The following NLRC4 variants were observed in gnomAD, a reference collection of about 807,000 sequenced individuals.
The protein encoded by NLRC4 is NLR family CARD domain containing 4.
A neutral mutation model predicts 79.9 loss-of-function variants in NLRC4; 63 were observed. That is an observed-to-expected ratio of 0.79 (90% CI 0.64 to 0.97). NLRC4 has a LOEUF of 0.97. Among genes scored for constraint, NLRC4 ranks in the 50% least tolerant of loss-of-function variants. NLRC4 has a pLI of 0.00. For synonymous variants in NLRC4, 461 were observed against 456.5 expected, an observed-to-expected ratio of 1.01 and a Z score of -0.12; for missense variants, 1,074 against 1,215.2, an observed-to-expected ratio of 0.88 and a Z score of 1.73.
At chr2:32,253,733 G>A (rs1447574919) in intron 2 of NLRC4, among the ~76,000 whole-genome samples, 1 of 152,044 alleles carries the variant, frequency 6.6e-6, no homozygotes, top group Non-Finnish European at 1.5e-5. Context: ...GGGAGGCCAA[G>A]GCGGGCGGAT....
At position 32,247,637 on chromosome 2, in the gene NLRC4, T is replaced by C. The variant is rs184282410; in HGVS notation, c.2257+1970A>G. On this transcript the variant is annotated intron_variant, in intron 4 of 8. Transcript: ENST00000402280. ...ATTTTTAATAAAAATAGTTTTAATATATTTAAACACATACATATATGTATC... is the reference window on the plus strand; with the variant it reads ...ATTTTTAATAAAAATAGTTTTAATACATTTAAACACATACATATATGTATC... Among the ~76,000 whole-genome samples, 231 of 152,096 alleles carry C rather than the reference T, an allele frequency of 1.5e-3. 5 individuals carry two copies. Among genetic ancestry groups the C allele is most frequent in the Non-Finnish European group, 1.0e-3 (68 of 68,000 alleles).
chr2:32,251,902 G>A (rs1687087679), intron 3 of NLRC4, among the ~76,000 whole-genome samples: 1 of 152,188 alleles, frequency 6.6e-6, no homozygotes, highest in East Asian at 1.9e-4. Flanking sequence ...GGCAGAGAAA[G>A]ATGGTTAGGG....
At chr2:32,244,545 A>T (rs1686884431) in intron 4 of NLRC4, among the ~76,000 whole-genome samples, 1 of 117,860 alleles carries the variant, frequency 8.5e-6, no homozygotes, top group South Asian at 2.9e-4. Flanking sequence ...GAAATAAGGC[A>T]AAAAAAAAAA....
At chr2:32,255,918 G>C (rs531801075) in intron 2 of NLRC4, among the ~76,000 whole-genome samples, 28 of 152,046 alleles carry the variant, frequency 1.8e-4, no homozygotes, top group African/African-American at 6.8e-4. Context: ...GGAGGCTGAG[G>C]CAGAAGCATC....
At chr2:32,240,524 T>C (rs533178094) in intron 5 of NLRC4, among the ~76,000 whole-genome samples, 1 of 152,176 alleles carries the variant, frequency 6.6e-6, no homozygotes, top group South Asian at 2.1e-4. Flanking sequence ...TGTGTTCTGC[T>C]TGTGTTCCTG....
chr2:32,257,845 T>C (rs918007900), intron 1 of NLRC4, among the ~76,000 whole-genome samples: 4 of 151,822 alleles, frequency 2.6e-5, no homozygotes, highest in African/African-American at 9.7e-5. Flanking sequence ...GGCTGTGGGG[T>C]TCCAATCCCA....
At position 32,253,297 on chromosome 2, in the gene NLRC4, GCAC is replaced by G. The variant is rs1687127024; in HGVS notation, c.2-621_2-619del. 4.0e-5 allele frequency among the ~76,000 whole-genome samples: 6 copies of G among 151,714 alleles called. No individual in the cohort carries two copies. The South Asian group carries it at 1.3e-3, about 32-fold the overall frequency. On this transcript the variant is annotated intron_variant, in intron 2 of 8. Transcript: ENST00000402280. ...CCTGAGTAGCTGGGATTACAGGCAC[GCAC>G]CACCACACTCAGCTAATTTTTCTAT...
chr2:32,250,912 C>T lies in NLRC4; in HGVS notation c.952G>A (p.Ala318Thr). ...TGAATTTGGAGCAACAAGCCTTCAG[C>T]AAGCTCCTTGATCAGCACTTCTCGG... ...LIREVLIKELAEGLLLQIQKS... is the reference protein window; with the variant it reads ...LIREVLIKELTEGLLLQIQKS... The change falls in exon 4 of 9, where the codon GCT (alanine) becomes ACT (threonine). Residue 318 changes from alanine (A) to threonine (T), a missense_variant. Coordinates refer to ENST00000402280, the MANE Select transcript of NLRC4 (RefSeq NM_001199138.2). This position sits in a 1 kb window ranked among gnomAD's most constrained non-coding sequence, Gnocchi z 4.9. 2 of 1,614,150 alleles carry T rather than the reference C, an allele frequency of 1.2e-6. No homozygotes were observed. Among genetic ancestry groups the T allele is most frequent in the Non-Finnish European group, 8.5e-7 (1 of 1,180,024 alleles).
At chr2:32,252,703 C>T (rs962438129) in intron 2 of NLRC4, 24 bp from the exon 3 acceptor site, 5 of 1,599,650 alleles carry the variant, frequency 3.1e-6, no homozygotes, top group Admixed American at 1.7e-5. Context: ...GAGAAATATA[C>T]ATATTTATTT....
intron 2 of NLRC4, among the ~76,000 whole-genome samples, chr2:32,255,052 C>T (rs537926827): frequency 6.6e-6 from 1 of 152,020 alleles, no homozygotes; most frequent in Admixed American, 6.5e-5. Context: ...CGTCCTTTCT[C>T]ACCATTGCAG....
At chr2:32,245,965 C>T (rs1299452044) in intron 4 of NLRC4, among the ~76,000 whole-genome samples, 6 of 152,088 alleles carry the variant, frequency 3.9e-5, no homozygotes, top group Non-Finnish European at 2.9e-5. Context: ...GGGTGGATCA[C>T]CTGAGGTTGG....
chr2:32,236,662 C>T (rs1686680303), intron 6 of NLRC4, among the ~76,000 whole-genome samples: 1 of 152,152 alleles, frequency 6.6e-6, no homozygotes, highest in African/African-American at 2.4e-5. Flanking sequence ...GCCTCAATGT[C>T]TTCCTCTATA....
At position 32,224,645 on chromosome 2, in the gene NLRC4, A is replaced by C; in HGVS notation, c.2903T>G (p.Val968Gly). Residue 968 changes from valine (V) to glycine (G), a missense_variant, in exon 9 of 9, where the codon GTG becomes GGG. Coordinates refer to ENST00000402280, the MANE Select transcript of NLRC4 (RefSeq NM_001199138.2). ...MGVFENLKQLVFFDFSTKEFL... is the reference protein window; with the variant it reads ...MGVFENLKQLGFFDFSTKEFL... The stretch of plus-strand genomic sequence containing the variant: ...TTCTTTAGTACTAAAGTCAAAAAAC[A>C]CTAATTGCTTAAGATTCTCAAATAC... 6.2e-7 allele frequency: 1 copy of C among 1,613,634 alleles called. No homozygotes were observed. The highest frequency in any genetic ancestry group is 8.5e-7 in the Non-Finnish European group (1 of 1,179,594).
intron 8 of NLRC4, among the ~76,000 whole-genome samples, chr2:32,231,550 T>A (rs945630000): frequency 1.8e-4 from 25 of 142,438 alleles, no homozygotes; most frequent in African/African-American, 6.5e-4. Context: ...ATTTTCACTT[T>A]CTTTCTTTTT....
intron 1 of NLRC4, among the ~76,000 whole-genome samples, chr2:32,261,316 C>CTTTTTTTTTTTTTTTTTTT (rs751434892): frequency 0.011 from 1,054 of 96,702 alleles, 222 homozygotes; most frequent in African/African-American, 0.032. Context: ...AGCCTCCCCC[C>CTTTTTTTTTTTTTTTTTTT]TTTTGTTTTT....
At chr2:32,224,980 G>C (rs576250675) in intron 8 of NLRC4, among the ~76,000 whole-genome samples, 3 of 152,180 alleles carry the variant, frequency 2.0e-5, no homozygotes, top group East Asian at 3.9e-4. Context: ...GAGTATAAGG[G>C]AATCTGATAA....
chr2:32,234,015 T>C (rs1686616102), intron 8 of NLRC4, among the ~76,000 whole-genome samples: 1 of 152,180 alleles, frequency 6.6e-6, no homozygotes, highest in South Asian at 2.1e-4. Flanking sequence ...GAAGAAGCTC[T>C]GGAGATGGAT....
At chr2:32,264,163 C>T (rs567210807) in intron 1 of NLRC4, among the ~76,000 whole-genome samples, 12 of 152,040 alleles carry the variant, frequency 7.9e-5, no homozygotes, top group Admixed American at 2.0e-4. Flanking sequence ...TGGCCGGGCA[C>T]GTTGGCTCAC....
chr2:32,255,816 C>A (rs1687195079), intron 2 of NLRC4, among the ~76,000 whole-genome samples: 1 of 151,976 alleles, frequency 6.6e-6, no homozygotes, highest in South Asian at 2.1e-4. Flanking sequence ...AGATCGAGAT[C>A]ATCCTGGCTA....
Sources: gnomAD v4.1 joint callset for allele counts (sites outside exome capture counted in the v4.1 genomes callset) on GRCh38, gnomAD v4.1.1 for gene constraint, Gnocchi (gnomAD v3.1) non-coding constraint, MANE v1.5 for transcripts, NCBI Gene and HGNC (gene_info 2026-07-23, HGNC 2026-07-21) for gene names.